RBBP8: variants seen among roughly 807,000 people sequenced by gnomAD.
The protein encoded by RBBP8 is RB binding protein 8, endonuclease.
RBBP8 carries 88 observed loss-of-function variants against 108.3 expected under a neutral mutation model. The observed-to-expected ratio is 0.81, with a 90% confidence interval of 0.68 to 0.97. The LOEUF is 0.97. Ranked by LOEUF, RBBP8 falls within the 50% of genes least tolerant of loss-of-function variation. RBBP8 has a pLI of 0.00. For synonymous variants in RBBP8, 332 were observed against 348.2 expected, an observed-to-expected ratio of 0.95 and a Z score of 0.52; for missense variants, 1,023 against 1,049.0, an observed-to-expected ratio of 0.98 and a Z score of 0.34.
chr18:22,976,713 A>G (rs1370073280), intron 6 of RBBP8, among the ~76,000 whole-genome samples: 1 of 152,072 alleles, frequency 6.6e-6, no homozygotes, highest in Non-Finnish European at 1.5e-5. Flanking sequence ...ACATTAATTT[A>G]TGTGAAGTGA....
At chr18:22,939,456 G>A (rs901270305) in intron 2 of RBBP8, among the ~76,000 whole-genome samples, 1 of 152,072 alleles carries the variant, frequency 6.6e-6, no homozygotes, top group Non-Finnish European at 1.5e-5. Flanking sequence ...AACCCAGGAG[G>A]CGGAGGTTGC....
chr18:22,949,686 A>G lies in RBBP8; in HGVS notation c.221A>G (p.His74Arg), dbSNP rs748545477. 2 of 1,613,132 alleles carry G rather than the reference A, an allele frequency of 1.2e-6. No individual in the cohort carries two copies. Among genetic ancestry groups the G allele is most frequent in the Non-Finnish European group, 1.7e-6 (2 of 1,179,218 alleles). ...CTGAGGGAACAGCAGAAAGTCCTTC[A>G]TGAAACCATTAAAGTTTTAGAAGAT... ...QQLREQQKVL[H>R]ETIKVLEDRL... The change falls in exon 4 of 19, where the codon CAT becomes CGT. Residue 74 changes from histidine (H) to arginine (R), a missense_variant. Coordinates refer to ENST00000327155, the MANE Select transcript of RBBP8 (RefSeq NM_002894.3).
intron 2 of RBBP8, among the ~76,000 whole-genome samples, chr18:22,943,557 A>G (rs1033172948): frequency 1.3e-5 from 2 of 152,150 alleles, no homozygotes; most frequent in African/African-American, 2.4e-5. Context: ...AGATAATTCA[A>G]TCTTAAGCAA....
At chr18:22,954,904 G>C (rs774329567) in intron 4 of RBBP8, among the ~76,000 whole-genome samples, 1 of 152,104 alleles carries the variant, frequency 6.6e-6, no homozygotes, top group Non-Finnish European at 1.5e-5. Context: ...CAGCAGCATA[G>C]CGTTAACTGC....
In RBBP8 at chr18:22,993,836, A is replaced by C. The variant is rs369234115; in HGVS notation, c.1928A>C (p.Gln643Pro). Residue 643 changes from glutamine to proline, a missense_variant, in exon 12 of 19, where the codon CAA becomes CCA. By Grantham distance (76) the Gln-to-Pro change is moderately conservative. Coordinates refer to ENST00000327155, the MANE Select transcript of RBBP8 (RefSeq NM_002894.3). ...PCRTGKIKSL[Q>P]NNQDVSFENI... is the part of the protein sequence containing the mutation. ...AGAACTGGTAAAATAAAGTCTCTAC[A>C]AAACAACCAAGGTGTGTACACCATA... 1.4e-4 allele frequency: 224 copies of C among 1,613,344 alleles called. No individual in the cohort carries two copies. The highest frequency in any genetic ancestry group is 6.0e-4 in the Admixed American group (36 of 60,018).
At chr18:22,921,629 G>C (rs531505195) in intron 3 of RBBP8, among the ~76,000 whole-genome samples, 30 of 152,190 alleles carry the variant, frequency 2.0e-4, no homozygotes, top group South Asian at 6.2e-4. Flanking sequence ...AATTAAAACA[G>C]ATGTTCTGAG....
chr18:22,967,788 A>T (rs536996130), intron 4 of RBBP8, among the ~76,000 whole-genome samples: 68 of 151,732 alleles, frequency 4.5e-4, no homozygotes, highest in African/African-American at 1.5e-3. Context: ...CTGGGACTAC[A>T]GGTGCCCGCC....
At chr18:22,934,948 A>G (rs369791044) in intron 1 of RBBP8, among the ~76,000 whole-genome samples, 15 of 148,620 alleles carry the variant, frequency 1.0e-4, no homozygotes, top group East Asian at 3.9e-4. Context: ...TAAATATTCT[A>G]TAATATATAA....
intron 5 of RBBP8, among the ~76,000 whole-genome samples, chr18:22,972,584 T>G (rs1914192896): frequency 6.6e-6 from 1 of 151,944 alleles, no homozygotes; most frequent in Admixed American, 6.5e-5. Flanking sequence ...CGACTAATTT[T>G]TGTATTTTTA....
chr18:22,996,032 C>A (rs4635434), intron 12 of RBBP8, among the ~76,000 whole-genome samples: 77,772 of 152,068 alleles, frequency 0.51, 23,166 homozygotes, highest in African/African-American at 0.84. Context: ...GTATCTCCAC[C>A]TCCTCACTAG....
intron 3 of RBBP8, among the ~76,000 whole-genome samples, chr18:22,947,708 A>T (rs190707911): frequency 1.3e-5 from 2 of 152,176 alleles, no homozygotes; most frequent in Non-Finnish European, 2.9e-5. Context: ...TATATTAGAC[A>T]CTTCCCTGTT....
At position 22,989,242 on chromosome 18, in the gene RBBP8, A is replaced by T. The variant is rs1200527119; in HGVS notation, c.731A>T (p.Tyr244Phe). The T allele has an allele frequency of 6.2e-7, 1 of 1,609,656 alleles. No homozygotes were observed. The highest frequency in any genetic ancestry group is 1.1e-5 in the South Asian group (1 of 90,968). ...PMAKAHGTSS[Y>F]TPDKSSFNLA... Reference sequence around the variant, plus strand: ...TTAGAAGCACATGGAACAAGCAGCTATACCCCTGATAAGTCATCTTTTAAT... The same window carrying T: ...TTAGAAGCACATGGAACAAGCAGCTTTACCCCTGATAAGTCATCTTTTAAT... The change falls in exon 9 of 19, where the codon TAT (tyrosine) becomes TTT (phenylalanine). Residue 244 changes from tyrosine (Y) to phenylalanine (F), a missense_variant. Coordinates refer to ENST00000327155, the MANE Select transcript of RBBP8 (RefSeq NM_002894.3).
intron 15 of RBBP8, among the ~76,000 whole-genome samples, chr18:23,002,436 A>T (rs992999691): frequency 2.6e-5 from 4 of 152,174 alleles, no homozygotes; most frequent in Non-Finnish European, 4.4e-5. Context: ...TTAAATTCAA[A>T]AAAGGAAAAT....
At position 23,001,473 on chromosome 18, in the gene RBBP8, G is replaced by T. The variant is rs1043581997; in HGVS notation, c.2144-113G>T. ...TATTTTAACAACCGTATTTTAAGAA[G>T]TGTCTTTAAGGACTGCATTCTGTTA... On this transcript the variant is annotated intron_variant, in intron 14 of 18. Coordinates refer to ENST00000327155, the MANE Select transcript of RBBP8 (RefSeq NM_002894.3). The T allele has an allele frequency of 2.4e-5, 28 of 1,190,252 alleles. No homozygotes were observed. In the African/African-American group the frequency reaches 3.2e-4, roughly 14 times the overall value. The allele number at this position is 1,190,252 out of a possible 1,614,324, so 73.7% of individuals were successfully genotyped here.
At chr18:23,006,916 T>C (rs1237073327) in intron 16 of RBBP8, among the ~76,000 whole-genome samples, 1 of 152,088 alleles carries the variant, frequency 6.6e-6, no homozygotes, top group Non-Finnish European at 1.5e-5. Flanking sequence ...AACGACAAAT[T>C]TTACAAATAA....
chr18:22,928,916 C>T (rs1452826230), upstream of RBBP8, among the ~76,000 whole-genome samples: 1 of 152,102 alleles, frequency 6.6e-6, no homozygotes, highest in Non-Finnish European at 1.5e-5. Context: ...GTGATCCAAC[C>T]ACCTCGGCCT....
At chr18:22,947,176 GTTTTCTTTTAAAATTA>G (rs1444453980) in intron 3 of RBBP8, among the ~76,000 whole-genome samples, 1 of 151,856 alleles carries the variant, frequency 6.6e-6, no homozygotes, top group Non-Finnish European at 1.5e-5. Context: ...ATAAACTCTT[GTTTTCTTTTAAAATTA>G]TTTTAATTAA....
chr18:22,991,116 A>G, intron 10 of RBBP8, 67 bp downstream of exon 10: 4 of 1,119,492 alleles, frequency 3.6e-6, no homozygotes, highest in Non-Finnish European at 5.3e-6. Flanking sequence ...TGAATTTCAT[A>G]TAATTAAGCC....
chr18:22,937,345 G>A (rs1171520238), intron 2 of RBBP8, among the ~76,000 whole-genome samples: 1 of 152,086 alleles, frequency 6.6e-6, no homozygotes, highest in East Asian at 1.9e-4. Context: ...GGCTTCATCT[G>A]CATCCATGTT....
Sources: gnomAD v4.1 joint callset for allele counts (sites outside exome capture counted in the v4.1 genomes callset) on GRCh38, gnomAD v4.1.1 for gene constraint, MANE v1.5 for transcripts, NCBI Gene and HGNC (gene_info 2026-07-23, HGNC 2026-07-21) for gene names.